NCAPG2: variants seen among roughly 807,000 people sequenced by gnomAD.
NCAPG2 encodes non-SMC condensin II complex subunit G2, also known as condensin-2 complex subunit G2.
Under a neutral mutation model 141.1 loss-of-function variants are expected in NCAPG2, and 53 were observed. The observed-to-expected ratio is 0.38, with a 90% CI of 0.30 to 0.47. The LOEUF (loss-of-function observed/expected upper bound fraction) is 0.47, where lower values mean the gene tolerates loss of function less well. Ranked by LOEUF, NCAPG2 falls within the 20% of genes least tolerant of loss-of-function variation. The probability of loss-of-function intolerance (pLI) is 0.99; values close to 1 mark genes in which losing one functional copy is unlikely to be tolerated. For missense variants in NCAPG2, 1,087 were observed against 1,389.0 expected, an observed-to-expected ratio of 0.78 and a Z score of 3.46; for synonymous variants, 499 against 490.7, an observed-to-expected ratio of 1.02 and a Z score of -0.22.
At chr7:158,679,937 G>A in intron 11 of NCAPG2, 23 bp downstream of exon 11, 1 of 1,612,142 alleles carries the variant, frequency 6.2e-7, no homozygotes, top group African/African-American at 1.3e-5. Flanking sequence ...TCTGTAAGAA[G>A]CTTGACCACC....
At chr7:158,701,369 T>A (rs565134398) in intron 2 of NCAPG2, among the ~76,000 whole-genome samples, 1 of 152,206 alleles carries the variant, frequency 6.6e-6, no homozygotes, top group Non-Finnish European at 1.5e-5. Context: ...TGTCCACTAG[T>A]TCTCTCTCCT....
At position 158,645,449 on chromosome 7, in the gene NCAPG2, C is replaced by T. The variant is rs77134043; in HGVS notation, c.3280+70G>A. The T allele has an allele frequency of 3.4e-3, 4,743 of 1,399,434 alleles. 228 individuals are homozygous for T. The East Asian group carries it at 0.096, about 28-fold the overall frequency. 86.7% of individuals were successfully genotyped at this position (1,399,434 alleles called of 1,614,324 possible). A position where few individuals can be genotyped will look rare whatever the true frequency, so the allele number is the denominator to read the frequency against. On this transcript the variant is annotated intron_variant, in intron 26 of 27. Transcript: ENST00000356309. ...GTAGCCAAGTGCAGGGGCTGATCCC[C>T]GGAATCCCATGACAGCACCTGTGAG...
At chr7:158,664,877 G>A (rs1832799524) in intron 13 of NCAPG2, 127 bp from the exon 14 acceptor site, 7 of 706,708 alleles carry the variant, frequency 9.9e-6, no homozygotes, top group Admixed American at 3.1e-5. Context: ...AATTCACTTC[G>A]AATGACTACA....
At chr7:158,670,809 C>T (rs778197118) in intron 13 of NCAPG2, among the ~76,000 whole-genome samples, 1 of 152,124 alleles carries the variant, frequency 6.6e-6, no homozygotes, top group Non-Finnish European at 1.5e-5. Flanking sequence ...ACAAATCTGT[C>T]TGGCTGACCC....
At chr7:158,660,036 C>T (rs182329714) in intron 16 of NCAPG2, among the ~76,000 whole-genome samples, 6 of 151,464 alleles carry the variant, frequency 4.0e-5, no homozygotes, top group Admixed American at 6.6e-5. Flanking sequence ...GGCGTGAACC[C>T]GGGAGGCGAG....
At chr7:158,641,692 G>A (rs909762681) in intron 27 of NCAPG2, 7 of 456,286 alleles carry the variant, frequency 1.5e-5, no homozygotes, top group Non-Finnish European at 7.8e-6. Flanking sequence ...ATAAAGAAGA[G>A]CATTACATAA....
chr7:158,687,631 G>A (rs930764607), intron 6 of NCAPG2, among the ~76,000 whole-genome samples, 189 bp from the exon 7 acceptor site: 3 of 152,186 alleles, frequency 2.0e-5, no homozygotes, highest in Non-Finnish European at 2.9e-5. Flanking sequence ...AGCCACACAA[G>A]CCACCTCCCC....
chr7:158,684,305 T>C (rs1415709436), intron 8 of NCAPG2, among the ~76,000 whole-genome samples: 1 of 152,218 alleles, frequency 6.6e-6, no homozygotes, highest in Non-Finnish European at 1.5e-5. Flanking sequence ...ACAGGACAAC[T>C]GGTCCAGTTT....
intron 2 of NCAPG2, among the ~76,000 whole-genome samples, chr7:158,694,488 C>T (rs1276328659): frequency 6.6e-6 from 1 of 152,180 alleles, no homozygotes; most frequent in Non-Finnish European, 1.5e-5. Context: ...CGGACACCTA[C>T]CCACACAGGG....
At chr7:158,677,339 G>C (rs1834121537) in intron 11 of NCAPG2, among the ~76,000 whole-genome samples, 1 of 151,932 alleles carries the variant, frequency 6.6e-6, no homozygotes, top group African/African-American at 2.4e-5. Context: ...AGAAACTAAG[G>C]GAAGTCCTCC....
At chr7:158,673,824 C>T (rs1195102232) in intron 12 of NCAPG2, among the ~76,000 whole-genome samples, 1 of 152,188 alleles carries the variant, frequency 6.6e-6, no homozygotes, top group Non-Finnish European at 1.5e-5. Context: ...AGTATTCAAC[C>T]AAAGACCAGG....
chr7:158,694,272 G>C, intron 2 of NCAPG2, among the ~76,000 whole-genome samples: 1 of 152,178 alleles, frequency 6.6e-6, no homozygotes, highest in Admixed American at 6.5e-5. Flanking sequence ...TTAATTAATA[G>C]CACCTGCATG....
chr7:158,664,723 T>G lies in NCAPG2; in HGVS notation c.1507A>C (p.Ile503Leu), dbSNP rs764675544. ...KFWKICPMEH[I>L]LVRLETDSRP... ...GAATCAGTTTCCAGACGAACCAGAA[T>G]GTGCTCCATGGGACATATTTTCCAA... The change falls in exon 14 of 28, where the codon ATT becomes CTT. Residue 503 changes from isoleucine (I) to leucine (L), a missense_variant. Physicochemically the swap from Ile to Leu is conservative, Grantham distance 5 (BLOSUM62 2). Transcript: ENST00000356309. 1.2e-6 allele frequency: 2 copies of G among 1,613,880 alleles called. No individual in the cohort carries two copies. Among genetic ancestry groups the G allele is most frequent in the Admixed American group, 3.3e-5 (2 of 59,984 alleles).
At chr7:158,670,126 C>T (rs922290421) in intron 13 of NCAPG2, among the ~76,000 whole-genome samples, 1 of 152,208 alleles carries the variant, frequency 6.6e-6, no homozygotes, top group African/African-American at 2.4e-5. Flanking sequence ...TCAACAAAAG[C>T]ATCAAAGTAA....
intron 2 of NCAPG2, among the ~76,000 whole-genome samples, chr7:158,694,662 G>A (rs1835336876): frequency 2.6e-5 from 4 of 152,098 alleles, no homozygotes; most frequent in Admixed American, 2.0e-4. Context: ...AAAACTGTCG[G>A]GGTCATAAAA....
At chr7:158,681,225 T>C (rs116894069) in intron 9 of NCAPG2, among the ~76,000 whole-genome samples, 2,349 of 152,336 alleles carry the variant, frequency 0.015, 31 homozygotes, top group Non-Finnish European at 0.022. Context: ...ACCTCTTTAT[T>C]ACCAACATGT....
intron 2 of NCAPG2, among the ~76,000 whole-genome samples, chr7:158,698,505 G>T (rs1262549798): frequency 1.3e-5 from 2 of 152,186 alleles, no homozygotes; most frequent in African/African-American, 4.8e-5. Context: ...TGTGCCTACA[G>T]TATTCAGTAC....
At chr7:158,639,872 A>G (rs1830517478) in intron 27 of NCAPG2, 1 of 975,502 alleles carries the variant, frequency 1.0e-6, no homozygotes, top group Non-Finnish European at 1.2e-6. Flanking sequence ...TAGCAAACAG[A>G]ATTCAAAAAT....
rs991578565 is a variant in NCAPG2 at position 158,672,587 on chromosome 7, C to T, written c.1327-921G>A. On this transcript the variant is annotated intron_variant, in intron 12 of 27. Coordinates refer to ENST00000356309, the MANE Select transcript of NCAPG2 (RefSeq NM_017760.7). ...CGATCTCCTGACCTCGTGATCTGCC[C>T]GCCTCGGCCTCCCAAAGTGCTGGGA... Among the ~76,000 whole-genome samples the T allele has an allele frequency of 3.3e-5, 5 of 151,668 alleles. No homozygotes were observed. In the South Asian group the frequency reaches 6.2e-4, roughly 19 times the overall value.
Sources: allele counts gnomAD v4.1 joint callset (sites outside exome capture counted in the v4.1 genomes callset), GRCh38; gene constraint gnomAD v4.1.1; transcripts MANE v1.5; gene names NCBI Gene and HGNC (gene_info 2026-07-23, HGNC 2026-07-21).